Variants in SEL1L observed in about 807,000 individuals in gnomAD.
SEL1L encodes SEL1L adaptor subunit of SYVN1 ubiquitin ligase.
SEL1L carries 52 observed loss-of-function variants against 109.8 expected under a neutral mutation model. That is an observed-to-expected ratio of 0.47 (90% CI 0.38 to 0.60). The LOEUF (loss-of-function observed/expected upper bound fraction) is 0.60, where lower values mean the gene tolerates loss of function less well. Ranked by LOEUF, SEL1L falls within the 20% of genes least tolerant of loss-of-function variation. The pLI, the probability that SEL1L is intolerant of heterozygous loss-of-function variation, is 0.00. For synonymous variants in SEL1L, 373 were observed against 339.6 expected, an observed-to-expected ratio of 1.10 and a Z score of -1.08; for missense variants, 749 against 962.2, an observed-to-expected ratio of 0.78 and a Z score of 2.93.
rs1333745106 is a variant in SEL1L at position 81,533,686 on chromosome 14, G to A, written c.59C>T (p.Ser20Leu). The A allele has an allele frequency of 1.3e-5, 21 of 1,613,122 alleles. No homozygotes were observed. Among genetic ancestry groups the A allele is most frequent in the East Asian group, 2.2e-5 (1 of 44,858 alleles). The part of the protein sequence containing the change: ...LLCAVLLSLA[S>L]ASSDEEGSQD... The stretch of plus-strand genomic sequence containing the variant: ...GGGCGGATACTGACCCGAGGACGCC[G>A]AGGCCAAGCTCAGCAGCACCGCACA... The change falls in exon 1 of 21, where the codon TCG (serine) becomes TTG (leucine). Residue 20 changes from serine (S) to leucine (L), a missense_variant. Ser to Leu is a moderately radical substitution (Grantham distance 145, BLOSUM62 -2). Transcript: ENST00000336735.
At chr14:81,530,864 A>C (rs1233288455) in intron 1 of SEL1L, among the ~76,000 whole-genome samples, 1 of 152,262 alleles carries the variant, frequency 6.6e-6, no homozygotes, top group Non-Finnish European at 1.5e-5. Flanking sequence ...CCTAAGCTAC[A>C]AATCTGTACA....
Position 81,484,345 on chromosome 14 carries a change from G to A in SEL1L, c.1926C>T (p.Gly642=), listed in dbSNP as rs1004474780. The stretch of plus-strand genomic sequence containing the variant: ...ATGCAGTTTCATAATCTACATCGGT[G>A]CCAAACCCATAGAAATGGTAGTCTC... ...KLGDYHFYGF[G]TDVDYETAFI... Residue 642 remains glycine (G), a synonymous_variant, in exon 19 of 21, where the codon GGC becomes GGT. Transcript: ENST00000336735. The A allele has an allele frequency of 6.2e-7, 1 of 1,614,056 alleles. No homozygotes were observed. The highest frequency in any genetic ancestry group is 1.7e-5 in the Admixed American group (1 of 60,008).
chr14:81,526,786 G>C lies in SEL1L; in HGVS notation c.287C>G (p.Ser96Cys). ...SVTEDISFLE[S>C]PNPENKDYEE... ...ATAGTCCTTGTTTTCTGGATTTGGAGACTCTAGAAAGCTGATATCTTCTGT... is the reference window on the plus strand; with the variant it reads ...ATAGTCCTTGTTTTCTGGATTTGGACACTCTAGAAAGCTGATATCTTCTGT... The change falls in exon 3 of 21, where the codon TCT (serine) becomes TGT (cysteine). Residue 96 changes from serine to cysteine, a missense_variant. Physicochemically the swap from Ser to Cys is moderately radical, Grantham distance 112. Around this residue, in one of 2 missense-constraint regions of SEL1L, gnomAD observed 366 missense variants for 399.8 expected, o/e 0.92. Coordinates refer to ENST00000336735, the MANE Select transcript of SEL1L (RefSeq NM_005065.6). The C allele has an allele frequency of 1.9e-6, 3 of 1,608,974 alleles. No individual in the cohort carries two copies. Among genetic ancestry groups the C allele is most frequent in the Non-Finnish European group, 2.5e-6 (3 of 1,178,656 alleles).
Position 81,520,894 on chromosome 14 carries a change from T to C in SEL1L, c.340+5839A>G, listed in dbSNP as rs371627754. Among the ~76,000 whole-genome samples the C allele has an allele frequency of 9.9e-5, 15 of 152,188 alleles. No homozygotes were observed. In the East Asian group the frequency reaches 1.3e-3, roughly 14 times the overall value. ...TCGGAAACAGCTTTCTTTCGTGGAATTGACACTCTACAGGCATTACTTAGA... is the reference window on the plus strand; with the variant it reads ...TCGGAAACAGCTTTCTTTCGTGGAACTGACACTCTACAGGCATTACTTAGA... On this transcript the variant is annotated intron_variant, in intron 3 of 20. Coordinates refer to ENST00000336735, the MANE Select transcript of SEL1L (RefSeq NM_005065.6).
Position 81,498,467 on chromosome 14 carries a change from C to T in SEL1L, c.919G>A (p.Val307Ile), listed in dbSNP as rs144335562. 111 of 1,613,802 alleles carry T rather than the reference C, an allele frequency of 6.9e-5. No homozygotes were observed. The highest frequency in any genetic ancestry group is 8.3e-5 in the Non-Finnish European group (98 of 1,179,932). ...AGGGCAGATTCACAACTCTGGAGGACGCCGATGCCAGCCCAGTATCTGTAA... is the reference window on the plus strand; with the variant it reads ...AGGGCAGATTCACAACTCTGGAGGATGCCGATGCCAGCCCAGTATCTGTAA... Reference protein sequence around the residue: ...LGYRYWAGIGVLQSCESALTH... With the variant: ...LGYRYWAGIGILQSCESALTH... The change falls in exon 9 of 21, where the codon GTC (valine) becomes ATC (isoleucine). Residue 307 changes from valine to isoleucine, a missense_variant. By Grantham distance (29) the Val-to-Ile change is conservative. Transcript: ENST00000336735.
At chr14:81,493,961 T>C (rs1333885403) in intron 11 of SEL1L, among the ~76,000 whole-genome samples, 2 of 152,202 alleles carry the variant, frequency 1.3e-5, no homozygotes, top group African/African-American at 4.8e-5. Flanking sequence ...ACATTAAAGT[T>C]CTTCAGGGCT....
chr14:81,486,970 C>CTT (rs139733784), intron 16 of SEL1L, among the ~76,000 whole-genome samples: 2 of 136,536 alleles, frequency 1.5e-5, no homozygotes, highest in African/African-American at 2.6e-5. Context: ...TTCTTTCTTT[C>CTT]TTTTTTTTTT....
rs529377598 is a variant in SEL1L at position 81,533,807 on chromosome 14, C to T, written c.-63G>A. The T allele has an allele frequency of 3.9e-4, 584 of 1,496,858 alleles. 1 individual carries two copies. The African/African-American group carries it at 7.6e-3, about 19-fold the overall frequency. The allele number at this position is 1,496,858 out of a possible 1,614,324, so 92.7% of individuals were successfully genotyped here. ...GCCTTCGCCTCTGCCACCACGGACT[C>T]AGCCACCACCGCCGCCTCGCCGCTG... On this transcript the variant is annotated 5_prime_UTR_variant, in exon 1 of 21. Transcript: ENST00000336735.
At chr14:81,529,652 T>C (rs1885251131) in intron 1 of SEL1L, among the ~76,000 whole-genome samples, 1 of 152,236 alleles carries the variant, frequency 6.6e-6, no homozygotes, top group Non-Finnish European at 1.5e-5. Context: ...GCATCATGCT[T>C]CTCTTTCTCT....
At position 81,495,102 on chromosome 14, in the gene SEL1L, A is replaced by T; in HGVS notation, c.1164T>A (p.Arg388=). The T allele has an allele frequency of 6.2e-7, 1 of 1,614,110 alleles. No homozygotes were observed. The highest frequency in any genetic ancestry group is 1.1e-5 in the South Asian group (1 of 91,044). Residue 388 remains arginine, a synonymous_variant, in exon 11 of 21, where the codon CGT becomes CGA. Coordinates refer to ENST00000336735, the MANE Select transcript of SEL1L (RefSeq NM_005065.6). ...GLGQLHLHGG[R]GVEQNHQRAF... is the part of the protein sequence containing the mutation. ...TTACCTGATGATTCTGTTCTACTCC[A>T]CGCCCTCCGTGCAGGTGCAGTTGTC...
At chr14:81,487,792 T>A (rs969254328) in intron 15 of SEL1L, 63 bp downstream of exon 15, 6 of 1,600,372 alleles carry the variant, frequency 3.7e-6, no homozygotes, top group Non-Finnish European at 8.5e-7. Context: ...CATAATGCCA[T>A]CTAGTAGAAA....
intron 1 of SEL1L, among the ~76,000 whole-genome samples, chr14:81,528,853 C>CA (rs1191420122): frequency 1.3e-5 from 2 of 152,128 alleles, no homozygotes; most frequent in African/African-American, 4.8e-5. Context: ...TAAAATATAA[C>CA]AAAAAACCTG....
chr14:81,520,501 C>T (rs1884862904), intron 3 of SEL1L, among the ~76,000 whole-genome samples: 1 of 152,088 alleles, frequency 6.6e-6, no homozygotes, highest in Non-Finnish European at 1.5e-5. Context: ...TCATTAGGTA[C>T]TAAGATTTTC....
chr14:81,504,039 A>G lies in SEL1L; in HGVS notation c.614+162T>C, dbSNP rs1348841643. Among the ~76,000 whole-genome samples the G allele has an allele frequency of 2.6e-5, 4 of 152,202 alleles. No individual in the cohort carries two copies. In the East Asian group the frequency reaches 7.7e-4, roughly 29 times the overall value. On this transcript the variant is annotated intron_variant, in intron 5 of 20. Coordinates refer to ENST00000336735, the MANE Select transcript of SEL1L (RefSeq NM_005065.6). ...TTTACCTTAACTAAAGTGTGGTAAA[A>G]GCAATGCTACTAATGCCCGTAAGTT...
intron 3 of SEL1L, among the ~76,000 whole-genome samples, chr14:81,509,835 G>A (rs935534029): frequency 6.6e-6 from 1 of 152,084 alleles, no homozygotes; most frequent in Non-Finnish European, 1.5e-5. Flanking sequence ...TTAAAAAAAT[G>A]CTCCCATAAA....
intron 19 of SEL1L, among the ~76,000 whole-genome samples, chr14:81,483,280 T>A (rs1389981042): frequency 6.6e-6 from 1 of 152,218 alleles, no homozygotes; most frequent in Non-Finnish European, 1.5e-5. Flanking sequence ...CATTTTCAAT[T>A]AATAATACAA....
chr14:81,493,170 T>C (rs1268067750), intron 11 of SEL1L, among the ~76,000 whole-genome samples: 1 of 152,160 alleles, frequency 6.6e-6, no homozygotes, highest in African/African-American at 2.4e-5. Context: ...TCTCCCTCTT[T>C]TGGAACCAGT....
At chr14:81,518,240 C>T (rs1368810829) in intron 3 of SEL1L, among the ~76,000 whole-genome samples, 1 of 151,856 alleles carries the variant, frequency 6.6e-6, no homozygotes, top group African/African-American at 2.4e-5. Flanking sequence ...TGACTCAGCC[C>T]TGGAAAGCTT....
At chr14:81,526,168 A>T (rs1213882021) in intron 3 of SEL1L, among the ~76,000 whole-genome samples, 1 of 152,194 alleles carries the variant, frequency 6.6e-6, no homozygotes, top group African/African-American at 2.4e-5. Flanking sequence ...ATAATTTTTA[A>T]AAGGATTAAT....
Sources: allele counts gnomAD v4.1 joint callset (sites outside exome capture counted in the v4.1 genomes callset), GRCh38; gene constraint gnomAD v4.1.1; regional missense constraint gnomAD v4.1.1; transcripts MANE v1.5; gene names NCBI Gene and HGNC (gene_info 2026-07-23, HGNC 2026-07-21).